The following BICD1 variants were observed in gnomAD, a reference collection of about 807,000 sequenced individuals.
BICD1 encodes protein bicaudal D homolog 1.
A neutral mutation model predicts 92.5 loss-of-function variants in BICD1; 35 were observed. The ratio of observed to expected loss-of-function variants is 0.38; its 90% CI spans 0.29 to 0.50. The LOEUF is 0.50. Among genes scored for constraint, BICD1 ranks in the 20% least tolerant of loss-of-function variants. The pLI, the probability that BICD1 is intolerant of heterozygous loss-of-function variation, is 0.93. For missense variants in BICD1, 950 were observed against 1,189.8 expected, an observed-to-expected ratio of 0.80 and a Z score of 2.97; for synonymous variants, 429 against 465.1, an observed-to-expected ratio of 0.92 and a Z score of 1.00.
intron 2 of BICD1, among the ~76,000 whole-genome samples, chr12:32,281,290 T>G (rs1267927256): frequency 6.6e-6 from 1 of 152,226 alleles, no homozygotes; most frequent in Non-Finnish European, 1.5e-5. Flanking sequence ...GCCCAGTTGT[T>G]AAGTCTGGAT....
chr12:32,359,116 A>G (rs568741796), intron 8 of BICD1, among the ~76,000 whole-genome samples: 4 of 148,936 alleles, frequency 2.7e-5, no homozygotes. Flanking sequence ...AGGACAATCT[A>G]TAACTCTCTG....
intron 2 of BICD1, among the ~76,000 whole-genome samples, chr12:32,276,284 A>G (rs1478922568): frequency 2.6e-5 from 4 of 152,144 alleles, no homozygotes; most frequent in African/African-American, 9.7e-5. Flanking sequence ...TTCAGCAGGA[A>G]GCTGTTAGAG....
chr12:32,188,227 T>G (rs1334501399), intron 1 of BICD1, among the ~76,000 whole-genome samples: 1 of 152,188 alleles, frequency 6.6e-6, no homozygotes. Context: ...CATGAGCCAC[T>G]GCGCCTGGCC....
At chr12:32,122,278 A>C (rs759277771) in intron 1 of BICD1, among the ~76,000 whole-genome samples, 1 of 151,830 alleles carries the variant, frequency 6.6e-6, no homozygotes, top group African/African-American at 2.4e-5. Context: ...CCATCCTAAC[A>C]CAGATCGAGA....
chr12:32,332,892 T>C (rs1052031700), intron 5 of BICD1: 1 of 985,326 alleles, frequency 1.0e-6, no homozygotes, highest in Non-Finnish European at 1.2e-6. Flanking sequence ...AACTTTGGAA[T>C]GTGTGGAGAA....
At chr12:32,229,699 C>G (rs186806776) in intron 2 of BICD1, among the ~76,000 whole-genome samples, 11 of 152,048 alleles carry the variant, frequency 7.2e-5, no homozygotes, top group Non-Finnish European at 1.5e-4. Context: ...AGAATAGAAG[C>G]GTTTTTCATG....
chr12:32,207,061 T>C (rs1044985588), intron 1 of BICD1, among the ~76,000 whole-genome samples: 1 of 152,176 alleles, frequency 6.6e-6, no homozygotes, highest in East Asian at 1.9e-4. Context: ...AGTGTTTACT[T>C]GGGGAGTGGC....
At chr12:32,361,507 C>A (rs1939323471) in intron 8 of BICD1, among the ~76,000 whole-genome samples, 1 of 146,434 alleles carries the variant, frequency 6.8e-6, no homozygotes, top group Admixed American at 6.9e-5. Flanking sequence ...GAGCCAAGAT[C>A]ACGTCACTTC....
intron 9 of BICD1, among the ~76,000 whole-genome samples, chr12:32,377,163 T>A (rs1031554710): frequency 6.6e-6 from 1 of 152,038 alleles, no homozygotes; most frequent in African/African-American, 2.4e-5. Flanking sequence ...TTTGCATGCA[T>A]ATTAAAGTTT....
chr12:32,334,822 A>G (rs1938034785), intron 6 of BICD1, among the ~76,000 whole-genome samples, 155 bp downstream of exon 6: 1 of 152,228 alleles, frequency 6.6e-6, no homozygotes, highest in Non-Finnish European at 1.5e-5. Context: ...TGACGTATCT[A>G]AAAGCAAGCC....
intron 4 of BICD1, among the ~76,000 whole-genome samples, chr12:32,311,456 G>A (rs939420966): frequency 6.6e-6 from 1 of 152,072 alleles, no homozygotes; most frequent in Non-Finnish European, 1.5e-5. Flanking sequence ...CCGAGATCGC[G>A]CCACTGCACT....
intron 2 of BICD1, among the ~76,000 whole-genome samples, chr12:32,246,155 A>G (rs1263531417): frequency 6.6e-6 from 1 of 151,594 alleles, no homozygotes; most frequent in Non-Finnish European, 1.5e-5. Context: ...GGAAAGAAAA[A>G]GCATCCATCA....
At chr12:32,230,784 T>C (rs1427987106) in intron 2 of BICD1, among the ~76,000 whole-genome samples, 5 of 152,112 alleles carry the variant, frequency 3.3e-5, no homozygotes, top group African/African-American at 1.2e-4. Flanking sequence ...GGGAGTGAAA[T>C]AGCACTTCAG....
chr12:32,360,868 C>T (rs325428), intron 8 of BICD1, among the ~76,000 whole-genome samples: 69,108 of 151,968 alleles, frequency 0.45, 16,245 homozygotes, highest in Admixed American at 0.53. Context: ...TGCTAAATGA[C>T]GGAATAGGAT....
chr12:32,196,452 T>C (rs183863308), intron 1 of BICD1, among the ~76,000 whole-genome samples: 2 of 152,292 alleles, frequency 1.3e-5, no homozygotes, highest in African/African-American at 2.4e-5. Context: ...TATTTAGCCA[T>C]GAAGAAGGAA....
chr12:32,142,937 CTATGGAGATCCTGGTGCTACAA>C (rs1454754638), intron 1 of BICD1, among the ~76,000 whole-genome samples: 2 of 152,196 alleles, frequency 1.3e-5, no homozygotes, highest in Non-Finnish European at 2.9e-5. Flanking sequence ...TGAGGCTTAA[CTATGGAGATCCTGGTGCTACAA>C]GCCGTTAAAT....
At chr12:32,198,324 ATC>A (rs1359728293) in intron 1 of BICD1, among the ~76,000 whole-genome samples, 1,709 of 57,724 alleles carry the variant, frequency 0.03, 118 homozygotes, top group African/African-American at 0.073. Flanking sequence ...AATAATATGC[ATC>A]TATCTATATA....
intron 2 of BICD1, among the ~76,000 whole-genome samples, chr12:32,250,929 A>T (rs1300564007): frequency 6.6e-6 from 1 of 152,158 alleles, no homozygotes; most frequent in East Asian, 1.9e-4. Context: ...GGCTGCGGTG[A>T]GCTGTGATCA....
intron 4 of BICD1, among the ~76,000 whole-genome samples, chr12:32,311,086 G>A (rs1295931990): frequency 6.6e-6 from 1 of 152,194 alleles, no homozygotes; most frequent in East Asian, 1.9e-4. Flanking sequence ...AAGTATGAGT[G>A]ACCATGGCCT....
Sources: gnomAD v4.1 joint callset for allele counts (sites outside exome capture counted in the v4.1 genomes callset) on GRCh38, gnomAD v4.1.1 for gene constraint, MANE v1.5 for transcripts, NCBI Gene and HGNC (gene_info 2026-07-23, HGNC 2026-07-21) for gene names.